Variants in CNTN6 observed in about 807,000 individuals in gnomAD.
CNTN6 encodes the protein contactin 6.
CNTN6 carries 137 observed loss-of-function variants against 122.8 expected under a neutral mutation model. The ratio of observed to expected loss-of-function variants is 1.12; its 90% CI spans 0.97 to 1.29. The LOEUF (loss-of-function observed/expected upper bound fraction) is 1.29. CNTN6 is among the 50% of genes most tolerant of loss of function. The pLI, the probability that CNTN6 is intolerant of heterozygous loss-of-function variation, is 0.00. For missense variants in CNTN6, 1,634 were observed against 1,223.4 expected (o/e 1.34, Z -5.01); for synonymous variants, 570 against 426.0 (o/e 1.34, Z -4.16).
chr3:1,150,543 T>C (rs1245206872), intron 2 of CNTN6, among the ~76,000 whole-genome samples: 2 of 152,206 alleles, frequency 1.3e-5, no homozygotes, highest in Admixed American at 1.3e-4. Context: ...TCATACATGA[T>C]TGATTCTGGG....
chr3:1,095,686 A>AT (rs1172287253), intron 1 of CNTN6, among the ~76,000 whole-genome samples: 7 of 152,286 alleles, frequency 4.6e-5, no homozygotes, highest in Admixed American at 6.5e-5. Context: ...TAGTTTGAAG[A>AT]TTTTTTTGGA....
rs1575513469 is a variant in CNTN6 at position 1,274,724 on chromosome 3, T to A, written c.359-3689T>A. On this transcript the variant is annotated intron_variant, in intron 4 of 22. Transcript: ENST00000446702. ...ACTAGCATGTGATATTTAACTTGTA[T>A]TTTTAGATTAGTGTATCTGAACTTT... 2.0e-5 allele frequency among the ~76,000 whole-genome samples: 3 copies of A among 152,314 alleles called. No individual in the cohort carries two copies. The South Asian group carries it at 6.2e-4, about 32-fold the overall frequency.
intron 2 of CNTN6, among the ~76,000 whole-genome samples, chr3:1,200,518 T>C (rs1369345330): frequency 1.3e-5 from 2 of 152,200 alleles, no homozygotes; most frequent in Non-Finnish European, 2.9e-5. Context: ...TTTTGGGGTC[T>C]GGCAGGCAAA....
chr3:1,108,180 C>A (rs1273939405), intron 1 of CNTN6, among the ~76,000 whole-genome samples: 1 of 151,924 alleles, frequency 6.6e-6, no homozygotes. Flanking sequence ...AATATAGAGA[C>A]AATGACATAT....
chr3:1,395,483 T>C (rs1157222383), intron 20 of CNTN6, among the ~76,000 whole-genome samples: 1 of 152,118 alleles, frequency 6.6e-6, no homozygotes, highest in African/African-American at 2.4e-5. Context: ...TCCTCCATGT[T>C]CAATGCCAGC....
chr3:1,231,303 C>A (rs770485051), intron 4 of CNTN6, among the ~76,000 whole-genome samples: 1 of 152,204 alleles, frequency 6.6e-6, no homozygotes, highest in African/African-American at 2.4e-5. Flanking sequence ...AGCTATGCAT[C>A]AGAATAAAAA....
At chr3:1,288,924 A>G (rs1694811552) in intron 5 of CNTN6, among the ~76,000 whole-genome samples, 3 of 152,322 alleles carry the variant, frequency 2.0e-5, no homozygotes, top group Middle Eastern at 6.8e-3. Flanking sequence ...TCTAATAATA[A>G]TAAAATTGTA....
intron 7 of CNTN6, among the ~76,000 whole-genome samples, chr3:1,304,946 G>C (rs1030131422): frequency 7.1e-6 from 1 of 141,566 alleles, no homozygotes; most frequent in African/African-American, 2.6e-5. Flanking sequence ...AGCTGAGATC[G>C]TGCTGCTGCA....
chr3:1,153,664 G>A (rs945208768), intron 2 of CNTN6, among the ~76,000 whole-genome samples: 4 of 152,192 alleles, frequency 2.6e-5, no homozygotes, highest in South Asian at 4.1e-4. Flanking sequence ...ACATTGGAAA[G>A]TATTTATGAT....
chr3:1,284,245 TAA>T (rs1331578610), intron 5 of CNTN6, among the ~76,000 whole-genome samples: 1 of 152,192 alleles, frequency 6.6e-6, no homozygotes, highest in Non-Finnish European at 1.5e-5. Flanking sequence ...CCACTTAAAT[TAA>T]AAGTCATTCC....
intron 11 of CNTN6, among the ~76,000 whole-genome samples, chr3:1,343,755 A>G (rs550310623): frequency 2.9e-4 from 44 of 152,238 alleles, no homozygotes; most frequent in African/African-American, 9.1e-4. Context: ...TCTCAAAACA[A>G]GATGATGATG....
At chr3:1,382,891 T>C (rs1195598660) in intron 17 of CNTN6, 51 bp from the exon 18 acceptor site, 1 of 1,184,542 alleles carries the variant, frequency 8.4e-7, no homozygotes, top group Admixed American at 1.8e-5. Context: ...TTATAGTAGC[T>C]TAATAAAATA....
intron 1 of CNTN6, among the ~76,000 whole-genome samples, chr3:1,129,024 A>C (rs1443692972): frequency 6.6e-6 from 1 of 152,004 alleles, no homozygotes; most frequent in African/African-American, 2.4e-5. Flanking sequence ...ATGTAAATAC[A>C]TAGAAGGTAA....
At chr3:1,402,721 AT>A (rs1560055416) in intron 22 of CNTN6, 6 of 392,848 alleles carry the variant, frequency 1.5e-5, no homozygotes, top group Non-Finnish European at 2.7e-5. Context: ...AGGAAAAAAA[AT>A]CTTTGTGTCA....
At chr3:1,402,927 C>T (rs912065746) in intron 22 of CNTN6, 4 of 197,182 alleles carry the variant, frequency 2.0e-5, no homozygotes, top group Non-Finnish European at 4.1e-5. Context: ...TTCAAGTCCT[C>T]CTCAAAACAA....
At chr3:1,166,339 C>T (rs561787999) in intron 2 of CNTN6, among the ~76,000 whole-genome samples, 66 of 152,118 alleles carry the variant, frequency 4.3e-4, no homozygotes, top group African/African-American at 1.3e-3. Context: ...CAAGAGTACC[C>T]GGGAGTGCTG....
At chr3:1,236,231 C>T (rs2125585896) in intron 4 of CNTN6, among the ~76,000 whole-genome samples, 1 of 151,758 alleles carries the variant, frequency 6.6e-6, no homozygotes, top group East Asian at 1.9e-4. Flanking sequence ...CGTATAGGAC[C>T]ACAGCTGATG....
At chr3:1,384,772 C>CATATATATATATATATAT in intron 19 of CNTN6, among the ~76,000 whole-genome samples, 1 of 120,928 alleles carries the variant, frequency 8.3e-6, no homozygotes, top group South Asian at 2.6e-4. Context: ...TATATATACA[C>CATATATATATATATATAT]ATATATATAT....
At position 1,295,601 on chromosome 3, in the gene CNTN6, A is replaced by G; in HGVS notation, c.455A>G (p.Asp152Gly). 6.2e-7 allele frequency: 1 copy of G among 1,611,606 alleles called. No homozygotes were observed. Among genetic ancestry groups the G allele is most frequent in the Non-Finnish European group, 8.5e-7 (1 of 1,178,738 alleles). The change falls in exon 6 of 23, where the codon GAT becomes GGT. Residue 152 changes from aspartate to glycine, a missense_variant and splice_region_variant. Physicochemically the swap from Asp to Gly is moderately conservative, Grantham distance 94. Transcript: ENST00000446702. ...TTTTGTTTTGTTTCTTGTTTTTCAG[A>G]TTTATCTTATGCATGGACCTTCAAT... ...LLCGPPPHFG[D>G]LSYAWTFNDN...
Sources: gnomAD v4.1 joint callset for allele counts (sites outside exome capture counted in the v4.1 genomes callset) on GRCh38, gnomAD v4.1.1 for gene constraint, MANE v1.5 for transcripts, NCBI Gene and HGNC (gene_info 2026-07-23, HGNC 2026-07-21) for gene names.